The following AXIN2 variants were observed in gnomAD, a reference collection of about 807,000 sequenced individuals.
The protein encoded by AXIN2 is axin 2.
AXIN2 carries 21 observed loss-of-function variants against 74.7 expected under a neutral mutation model. That is an observed-to-expected ratio of 0.28 (90% CI 0.20 to 0.40). The LOEUF (loss-of-function observed/expected upper bound fraction) is 0.40. Among genes scored for constraint, AXIN2 ranks in the 10% least tolerant of loss-of-function variants. AXIN2 has a pLI of 1.00. For synonymous variants in AXIN2, 532 were observed against 454.9 expected (o/e 1.17, Z -2.16); for missense variants, 1,144 against 1,111.1 (o/e 1.03, Z -0.42).
In AXIN2 at chr17:65,558,521, G is replaced by A. The variant is rs574154714; in HGVS notation, c.100C>T (p.Pro34Ser). ...TTGCCCACCCCTGGCTGACACGGTGGGGTCTCCCCTTCTTCCCCTGGCACT... is the reference window on the plus strand; with the variant it reads ...TTGCCCACCCCTGGCTGACACGGTGAGGTCTCCCCTTCTTCCCCTGGCACT... ...PPVPGEEGET[P>S]PCQPGVGKGQ... Residue 34 changes from proline to serine, a missense_variant, in exon 2 of 11, where the codon CCA (proline) becomes TCA (serine). Physicochemically the swap from Pro to Ser is moderately conservative, Grantham distance 74 (BLOSUM62 -1). Around this residue, in one of 4 missense-constraint regions of AXIN2, gnomAD observed 1,053 missense variants for 973.5 expected, o/e 1.08. Coordinates refer to ENST00000307078, the MANE Select transcript of AXIN2 (RefSeq NM_004655.4). The A allele has an allele frequency of 1.9e-6, 3 of 1,613,814 alleles. No individual in the cohort carries two copies. The highest frequency in any genetic ancestry group is 1.1e-5 in the South Asian group (1 of 91,078).
chr17:65,537,235 C>T, intron 6 of AXIN2, 89 bp downstream of exon 6: 1 of 1,590,542 alleles, frequency 6.3e-7, no homozygotes, highest in South Asian at 1.1e-5. Context: ...AACTAAATGC[C>T]TGTAATGCGG....
Position 65,557,974 on chromosome 17 carries a change from C to T in AXIN2, c.647G>A (p.Gly216Glu), listed in dbSNP as rs1044406215. 1 of 1,614,072 alleles carries T rather than the reference C, an allele frequency of 6.2e-7. No individual in the cohort carries two copies. The change falls in exon 2 of 11, where the codon GGG becomes GAG. Residue 216 changes from glycine to glutamate, a missense_variant. Gly to Glu is a moderately conservative substitution (Grantham distance 98). Coordinates refer to ENST00000307078, the MANE Select transcript of AXIN2 (RefSeq NM_004655.4). ...ATAGCCACACACGACCTTTAGGCTCCCGAGTCCCCCATTACTCATGTAAGC... is the reference window on the plus strand; with the variant it reads ...ATAGCCACACACGACCTTTAGGCTCTCGAGTCCCCCATTACTCATGTAAGC... ...NTAYMSNGGLGSLKVVCGYLP... is the reference protein window; with the variant it reads ...NTAYMSNGGLESLKVVCGYLP...
In AXIN2 at chr17:65,541,443, G is replaced by C. The variant is rs1288779447; in HGVS notation, c.1059+12C>G. 4 of 1,606,874 alleles carry C rather than the reference G, an allele frequency of 2.5e-6. No homozygotes were observed. Among genetic ancestry groups the C allele is most frequent in the Non-Finnish European group, 2.6e-6 (3 of 1,173,438 alleles). The stretch of plus-strand genomic sequence containing the variant: ...AGAAAACAGCTGTCTCCTCACTCCA[G>C]ACTGTACTCACCGGGAAATGAGGTA... On this transcript the variant is annotated intron_variant, in intron 4 of 10. Transcript: ENST00000307078.
chr17:65,539,174 C>G (rs2044001793), intron 4 of AXIN2, among the ~76,000 whole-genome samples: 1 of 151,852 alleles, frequency 6.6e-6, no homozygotes, highest in South Asian at 2.1e-4. Flanking sequence ...TGTCATCTCG[C>G]TCCCCCCACC....
chr17:65,530,568 C>T (rs1034584910), intron 10 of AXIN2, among the ~76,000 whole-genome samples: 10 of 152,226 alleles, frequency 6.6e-5, no homozygotes, highest in South Asian at 2.1e-4. Context: ...CCTGGAGAGC[C>T]GGAACCTGCC....
At chr17:65,559,035 G>A (rs1336668349) in intron 1 of AXIN2, among the ~76,000 whole-genome samples, 1 of 152,062 alleles carries the variant, frequency 6.6e-6, no homozygotes, top group East Asian at 1.9e-4. Flanking sequence ...GACACTGGAG[G>A]TGTAAGACAC....
intron 4 of AXIN2, among the ~76,000 whole-genome samples, chr17:65,540,074 C>T (rs888412696): frequency 5.9e-5 from 9 of 152,224 alleles, no homozygotes; most frequent in African/African-American, 2.2e-4. Flanking sequence ...CCAGCAGGTA[C>T]CAAGCCAAGT....
At chr17:65,553,856 G>T (rs1410032198) in intron 2 of AXIN2, among the ~76,000 whole-genome samples, 9 of 147,338 alleles carry the variant, frequency 6.1e-5, no homozygotes, top group African/African-American at 2.2e-4. Context: ...GCGGGGGGGG[G>T]GGGAGGAAAC....
chr17:65,561,005 TC>T (rs1160769808), intron 1 of AXIN2: 1 of 146,798 alleles, frequency 6.8e-6, no homozygotes, highest in Non-Finnish European at 1.5e-5. Context: ...AATCCCGGGT[TC>T]AGAGCGAAAG....
In AXIN2 at chr17:65,537,755, G is replaced by A. The variant is rs903366422; in HGVS notation, c.1281C>T (p.Pro427=). The part of the protein sequence containing the change: ...APTQHPLSLL[P]SGSYEEDPQT... ...GCGGGTCTTCCTCGTAGCTGCCGGA[G>A]GGCAGTAGGGAGAGGGGGTGCTGCG... The change falls in exon 6 of 11, where the codon CCC becomes CCT. Residue 427 remains proline, a synonymous_variant. Transcript: ENST00000307078. 1.3e-6 allele frequency: 2 copies of A among 1,579,812 alleles called. No individual in the cohort carries two copies. The highest frequency in any genetic ancestry group is 1.7e-6 in the Non-Finnish European group (2 of 1,162,496).
At position 65,529,912 on chromosome 17, in the gene AXIN2, C is replaced by A; in HGVS notation, c.*64G>T. The A allele has an allele frequency of 5.0e-6, 8 of 1,612,526 alleles. No individual in the cohort carries two copies. In the South Asian group the frequency reaches 8.8e-5, roughly 18 times the overall value. ...TTCAAAATGTTTTGTCGCAGTTGCT[C>A]ACAGCCAAGACAGTTCACAAGAGCT... On this transcript the variant is annotated 3_prime_UTR_variant, in exon 11 of 11. Transcript: ENST00000307078.
At chr17:65,531,833 GC>G (rs1251605466) in intron 10 of AXIN2, among the ~76,000 whole-genome samples, 1 of 152,162 alleles carries the variant, frequency 6.6e-6, no homozygotes, top group African/African-American at 2.4e-5. Context: ...GGGACTGTTT[GC>G]TTTTTGAACC....
chr17:65,549,711 C>G (rs2044166007), intron 2 of AXIN2, 51 bp from the exon 3 acceptor site: 1 of 1,561,094 alleles, frequency 6.4e-7, no homozygotes, highest in South Asian at 1.2e-5. Flanking sequence ...ACCAGAAACC[C>G]AGGTAATCAG....
At chr17:65,555,282 C>T (rs1359540485) in intron 2 of AXIN2, among the ~76,000 whole-genome samples, 2 of 152,138 alleles carry the variant, frequency 1.3e-5, no homozygotes, top group Non-Finnish European at 2.9e-5. Context: ...ATTTTACTAA[C>T]TTATTAAGCC....
At chr17:65,543,010 G>A (rs2044065161) in intron 3 of AXIN2, among the ~76,000 whole-genome samples, 2 of 152,172 alleles carry the variant, frequency 1.3e-5, no homozygotes, top group Admixed American at 6.5e-5. Context: ...GAAGTCTACT[G>A]ACCTAGGTCA....
chr17:65,534,372 G>A (rs1360133668), intron 9 of AXIN2, among the ~76,000 whole-genome samples: 5 of 152,162 alleles, frequency 3.3e-5, no homozygotes, highest in Non-Finnish European at 5.9e-5. Context: ...GAAAGTATAC[G>A]GCGGCCTCTT....
At position 65,529,734 on chromosome 17, in the gene AXIN2, G is replaced by T; in HGVS notation, c.*242C>A. ...TACAGGCAGCATCTTCAATAGCCAA[G>T]AGTGGTCATGTTTTTAATAAATAGT... On this transcript the variant is annotated 3_prime_UTR_variant, in exon 11 of 11. Transcript: ENST00000307078. 1.8e-6 allele frequency: 1 copy of T among 561,972 alleles called. No individual in the cohort carries two copies. 34.8% of individuals were successfully genotyped at this position (561,972 alleles called of 1,614,324 possible).
intron 2 of AXIN2, among the ~76,000 whole-genome samples, chr17:65,551,964 C>G (rs2044200036): frequency 6.6e-6 from 1 of 152,196 alleles, no homozygotes. Context: ...GACCAAGTGA[C>G]TTGTGACCGT....
chr17:65,538,475 G>C (rs1394757231), intron 4 of AXIN2, 132 bp from the exon 5 acceptor site: 10 of 1,213,328 alleles, frequency 8.2e-6, no homozygotes, highest in Non-Finnish European at 1.2e-5. Flanking sequence ...ATGGCAAGGC[G>C]GCCTGGGCTG....
Sources: allele counts gnomAD v4.1 joint callset (sites outside exome capture counted in the v4.1 genomes callset), GRCh38; gene constraint gnomAD v4.1.1; regional missense constraint gnomAD v4.1.1; transcripts MANE v1.5; gene names NCBI Gene and HGNC (gene_info 2026-07-23, HGNC 2026-07-21).